USP32: variants seen among roughly 807,000 people sequenced by gnomAD.
USP32 encodes the protein ubiquitin carboxyl-terminal hydrolase 32.
A neutral mutation model predicts 204.8 loss-of-function variants in USP32; 59 were observed. The observed-to-expected ratio is 0.29, with a 90% confidence interval of 0.23 to 0.36. The LOEUF (loss-of-function observed/expected upper bound fraction) is 0.36, where lower values mean the gene tolerates loss of function less well. Among genes scored for constraint, USP32 ranks in the 10% least tolerant of loss-of-function variants. The pLI, the probability that USP32 is intolerant of heterozygous loss-of-function variation, is 1.00. For missense variants in USP32, 1,160 were observed against 1,946.4 expected (o/e 0.60, Z 7.60); for synonymous variants, 517 against 678.4 (o/e 0.76, Z 3.70).
At chr17:60,292,376 C>T (rs564234884) in intron 4 of USP32, among the ~76,000 whole-genome samples, 30 of 152,204 alleles carry the variant, frequency 2.0e-4, no homozygotes, top group African/African-American at 7.0e-4. Context: ...TCAAAAATCA[C>T]ATCTGACAAC....
chr17:60,408,250 A>G (rs2089993800), intron 1 of USP32, among the ~76,000 whole-genome samples: 1 of 152,210 alleles, frequency 6.6e-6, no homozygotes, highest in South Asian at 2.1e-4. Context: ...AAGAATGATG[A>G]AACAGCTATT....
chr17:60,202,054 T>C (rs1347384724), intron 26 of USP32, among the ~76,000 whole-genome samples: 2 of 152,198 alleles, frequency 1.3e-5, no homozygotes, highest in African/African-American at 4.8e-5. Flanking sequence ...GGCTGTTTCA[T>C]TGTTTTGCTT....
In USP32 at chr17:60,198,449, A is replaced by G. The variant is rs1038163750; in HGVS notation, c.3250-5T>C. 4 of 1,613,544 alleles carry G rather than the reference A, an allele frequency of 2.5e-6. No homozygotes were observed. In the African/African-American group the frequency reaches 5.3e-5, roughly 22 times the overall value. On this transcript the variant is annotated splice_polypyrimidine_tract_variant and splice_region_variant and intron_variant, in intron 26 of 33. Coordinates refer to ENST00000300896, the MANE Select transcript of USP32 (RefSeq NM_032582.4). ...GAAATACAGTTCTGTCCTCATCTGT[A>G]TGTACAAACAAGAGAATAGAGAGTT...
chr17:60,272,766 G>T (rs1385439694), intron 5 of USP32, among the ~76,000 whole-genome samples: 1 of 152,178 alleles, frequency 6.6e-6, no homozygotes, highest in East Asian at 1.9e-4. Flanking sequence ...TAAGCAGAGA[G>T]ATTTCATTGA....
intron 26 of USP32, among the ~76,000 whole-genome samples, chr17:60,204,588 C>T (rs1323752142): frequency 6.6e-6 from 1 of 151,882 alleles, no homozygotes; most frequent in South Asian, 2.1e-4. Flanking sequence ...CCTGCCTCAG[C>T]ATCTCGAGTA....
chr17:60,320,750 T>C (rs1023500741), intron 2 of USP32, among the ~76,000 whole-genome samples: 1 of 152,188 alleles, frequency 6.6e-6, no homozygotes. Context: ...AGAGTTTCCC[T>C]AATAAATAAA....
At chr17:60,342,122 A>G (rs1364189748) in intron 2 of USP32, among the ~76,000 whole-genome samples, 1 of 151,972 alleles carries the variant, frequency 6.6e-6, no homozygotes, top group African/African-American at 2.4e-5. Flanking sequence ...TGATGATGCT[A>G]TTCCTTTCTG....
upstream of USP32, chr17:60,392,663 C>T: frequency 2.2e-6 from 1 of 446,314 alleles, no homozygotes. Context: ...GAGCTCCCAA[C>T]CTTAGGGACG....
intron 26 of USP32, among the ~76,000 whole-genome samples, chr17:60,200,223 G>C (rs2084641053): frequency 6.6e-6 from 1 of 151,204 alleles, no homozygotes; most frequent in Admixed American, 6.6e-5. Context: ...GAAATTTTAA[G>C]CCAAGGGCTA....
At chr17:60,374,019 A>C (rs1680315682) in intron 1 of USP32, among the ~76,000 whole-genome samples, 1 of 152,032 alleles carries the variant, frequency 6.6e-6, no homozygotes, top group Non-Finnish European at 1.5e-5. Flanking sequence ...ACCCATCTCT[A>C]CTAAAAATAC....
At chr17:60,355,335 T>A (rs1204930292) in intron 1 of USP32, among the ~76,000 whole-genome samples, 3 of 152,202 alleles carry the variant, frequency 2.0e-5, no homozygotes, top group Non-Finnish European at 2.9e-5. Flanking sequence ...AGAAATGTTC[T>A]GTATCTTGTC....
At chr17:60,369,865 G>A (rs1158892322) in intron 1 of USP32, among the ~76,000 whole-genome samples, 3 of 151,624 alleles carry the variant, frequency 2.0e-5, no homozygotes, top group Admixed American at 6.6e-5. Flanking sequence ...AGCCTCTCAA[G>A]CAGCTAGGAC....
intron 1 of USP32, among the ~76,000 whole-genome samples, chr17:60,352,577 C>T (rs1013081563): frequency 1.6e-4 from 25 of 152,202 alleles, no homozygotes; most frequent in Admixed American, 2.6e-4. Flanking sequence ...GAAGGCCATT[C>T]TAAGCCATGT....
chr17:60,345,425 T>G lies in USP32; in HGVS notation c.186+56A>C. On this transcript the variant is annotated intron_variant, in intron 2 of 33. Transcript: ENST00000300896. ...AAGAGCAGAAGGCCCCTCAGGAATT[T>G]AGGCTGGTGGAGGTGGATAACTACC... The G allele has an allele frequency of 3.8e-6, 6 of 1,593,486 alleles. No homozygotes were observed. In the East Asian group the frequency reaches 1.1e-4, roughly 30 times the overall value.
At position 60,378,680 on chromosome 17, in the gene USP32, G is replaced by A. The variant is rs1383449702; in HGVS notation, c.58+13202C>T. 2.0e-5 allele frequency among the ~76,000 whole-genome samples: 3 copies of A among 152,038 alleles called. No homozygotes were observed. In the South Asian group the frequency reaches 6.2e-4, roughly 32 times the overall value. On this transcript the variant is annotated intron_variant, in intron 1 of 33. Transcript: ENST00000300896. ...GAAAACATTATCCTAAGTGAAATAA[G>A]AAAGGTCAAATATTGTACGATTCTA...
At chr17:60,370,875 C>T (rs1008376444) in intron 1 of USP32, among the ~76,000 whole-genome samples, 1 of 151,668 alleles carries the variant, frequency 6.6e-6, no homozygotes, top group South Asian at 2.1e-4. Flanking sequence ...GCAAGAGTGT[C>T]TCTTGAGGCC....
At chr17:60,411,961 CTGTT>C (rs1201623365) in intron 1 of USP32, among the ~76,000 whole-genome samples, 12 of 152,030 alleles carry the variant, frequency 7.9e-5, no homozygotes, top group African/African-American at 2.7e-4. Flanking sequence ...ATATAAGTAT[CTGTT>C]TGAGTCCCTG....
In USP32 at chr17:60,210,255, A is replaced by G. The variant is rs565560044; in HGVS notation, c.2425-712T>C. Among the ~76,000 whole-genome samples the G allele has an allele frequency of 1.1e-4, 16 of 152,164 alleles. No individual in the cohort carries two copies. In the South Asian group the frequency reaches 3.3e-3, roughly 32 times the overall value. ...AATCCTAACTTCACTAAAATCTACT[A>G]CATCTGATATTAATATAAAACTTAT... On this transcript the variant is annotated intron_variant, in intron 21 of 33. Transcript: ENST00000300896.
upstream of USP32, among the ~76,000 whole-genome samples, chr17:60,394,100 T>A (rs139251858): frequency 7.8e-4 from 119 of 152,316 alleles, no homozygotes; most frequent in Non-Finnish European, 1.3e-3. Flanking sequence ...GACCTCAGAT[T>A]AGCTGCATTA....
Sources: gnomAD v4.1 joint callset for allele counts (sites outside exome capture counted in the v4.1 genomes callset) on GRCh38, gnomAD v4.1.1 for gene constraint, MANE v1.5 for transcripts, NCBI Gene and HGNC (gene_info 2026-07-23, HGNC 2026-07-21) for gene names.